The following SCN2A variants were observed in gnomAD, a reference collection of about 807,000 sequenced individuals.
SCN2A encodes sodium voltage-gated channel alpha subunit 2, also known as sodium channel protein type 2 subunit alpha.
Under a neutral mutation model 188.7 loss-of-function variants are expected in SCN2A, and 20 were observed. The observed-to-expected ratio is 0.11, with a 90% confidence interval of 0.07 to 0.15. The LOEUF is 0.15. SCN2A is among the 10% of genes least tolerant of loss of function. The pLI is 1.00. For synonymous variants in SCN2A, 804 were observed against 833.1 expected, an observed-to-expected ratio of 0.97 and a Z score of 0.60; for missense variants, 1,278 against 2,445.0, an observed-to-expected ratio of 0.52 and a Z score of 10.07.
chr2:165,240,519 G>A (rs1254183854), intron 1 of SCN2A, among the ~76,000 whole-genome samples: 1 of 152,048 alleles, frequency 6.6e-6, no homozygotes, highest in Non-Finnish European at 1.5e-5. Flanking sequence ...AGAATAACAG[G>A]AATAAAGACA....
In SCN2A at chr2:165,388,669, C is replaced by T; in HGVS notation, c.4863C>T (p.Ser1621=). 1 of 1,613,728 alleles carries T rather than the reference C, an allele frequency of 6.2e-7. No homozygotes were observed. Among genetic ancestry groups the T allele is most frequent in the Non-Finnish European group, 8.5e-7 (1 of 1,179,860 alleles). ...AACTGATAGAAAAGTATTTTGTGTCCCCTACCCTGTTCCGAGTGATCCGTC... is the reference window on the plus strand; with the variant it reads ...AACTGATAGAAAAGTATTTTGTGTCTCCTACCCTGTTCCGAGTGATCCGTC... ...LAELIEKYFV[S]PTLFRVIRLA... Residue 1621 remains serine (S), a synonymous_variant, in exon 27 of 27, where the codon TCC becomes TCT. Transcript: ENST00000375437.
chr2:165,341,956 G>A (rs993535097), intron 14 of SCN2A, among the ~76,000 whole-genome samples: 1 of 152,118 alleles, frequency 6.6e-6, no homozygotes, highest in East Asian at 1.9e-4. Flanking sequence ...ATGGAAGCCC[G>A]CACTGCTAGG....
Position 165,365,205 on chromosome 2 carries a change from A to T in SCN2A, c.3462A>T (p.Gly1154=), listed in dbSNP as rs1700659867. 6.2e-7 allele frequency: 1 copy of T among 1,614,000 alleles called. No homozygotes were observed. The highest frequency in any genetic ancestry group is 1.1e-5 in the South Asian group (1 of 91,068). ...TTGATATTGGAGCTCCCGCCGAGGG[A>T]GAACAGCCTGAGGTTGAACCTGAGG... is the stretch of plus-strand genomic sequence containing the variant. ...STVDIGAPAE[G]EQPEVEPEES... Residue 1154 remains glycine, a synonymous_variant, in exon 18 of 27, where the codon GGA becomes GGT. Coordinates refer to ENST00000375437, the MANE Select transcript of SCN2A (RefSeq NM_001040142.2).
intron 11 of SCN2A, among the ~76,000 whole-genome samples, chr2:165,318,544 G>T (rs1165966045): frequency 6.6e-6 from 1 of 152,184 alleles, no homozygotes; most frequent in Non-Finnish European, 1.5e-5. Flanking sequence ...AAAAGAAGTT[G>T]ATGCTAACGG....
intron 17 of SCN2A, among the ~76,000 whole-genome samples, chr2:165,363,984 A>G (rs1361024308): frequency 1.3e-5 from 2 of 152,154 alleles, no homozygotes; most frequent in Non-Finnish European, 2.9e-5. Flanking sequence ...AAAGAAAATT[A>G]TTTTCATAAA....
intron 14 of SCN2A, among the ~76,000 whole-genome samples, chr2:165,341,806 G>A (rs932382184): frequency 2.0e-5 from 3 of 152,204 alleles, no homozygotes; most frequent in South Asian, 4.2e-4. Flanking sequence ...CTTCCCTTTC[G>A]CCAACAAAAG....
chr2:165,252,715 G>A (rs1215501244), intron 1 of SCN2A, among the ~76,000 whole-genome samples: 1 of 151,976 alleles, frequency 6.6e-6, no homozygotes, highest in Non-Finnish European at 1.5e-5. Context: ...TCAAGAGTTA[G>A]GCAAAGATTT....
chr2:165,356,208 T>A (rs1441092979), intron 17 of SCN2A, among the ~76,000 whole-genome samples: 1 of 152,156 alleles, frequency 6.6e-6, no homozygotes, highest in Non-Finnish European at 1.5e-5. Context: ...AGGTATCAGT[T>A]TCACAAGAAA....
intron 7 of SCN2A, among the ~76,000 whole-genome samples, chr2:165,311,140 A>G (rs1055873644): frequency 6.7e-6 from 1 of 150,046 alleles, no homozygotes; most frequent in Non-Finnish European, 1.5e-5. Flanking sequence ...CTTTAGTGTC[A>G]TCATTGTATT....
At chr2:165,371,749 G>C (rs1294809388) in intron 20 of SCN2A, 1 of 152,174 alleles carries the variant, frequency 6.6e-6, no homozygotes, top group African/African-American at 2.4e-5. Flanking sequence ...TTAATACAGA[G>C]GAAGCTATTG....
intron 1 of SCN2A, among the ~76,000 whole-genome samples, chr2:165,291,446 C>CT (rs1454882788): frequency 4.0e-5 from 1 of 24,776 alleles, no homozygotes; most frequent in East Asian, 1.3e-3. Context: ...CTCTTTCTTT[C>CT]TTTCTTTCTT....
intron 26 of SCN2A, 147 bp downstream of exon 26, chr2:165,387,163 G>C (rs1353420721): frequency 1.2e-6 from 1 of 803,246 alleles, no homozygotes; most frequent in Non-Finnish European, 2.0e-6. Flanking sequence ...GTTTTAGTTT[G>C]CCATTTCTCT....
chr2:165,373,113 T>A, intron 20 of SCN2A, 112 bp from the exon 21 acceptor site: 1 of 1,199,900 alleles, frequency 8.3e-7, no homozygotes, highest in Non-Finnish European at 1.2e-6. Flanking sequence ...CCCTGGGTGA[T>A]TTTGAAACTC....
At position 165,314,122 on chromosome 2, in the gene SCN2A, G is replaced by A. The variant is rs1697595522; in HGVS notation, c.1383+14G>A. The A allele has an allele frequency of 6.2e-7, 1 of 1,611,198 alleles. No homozygotes were observed. Among genetic ancestry groups the A allele is most frequent in the Non-Finnish European group, 8.5e-7 (1 of 1,178,178 alleles). On this transcript the variant is annotated intron_variant, in intron 10 of 26. Coordinates refer to ENST00000375437, the MANE Select transcript of SCN2A (RefSeq NM_001040142.2). ...GAAGAAGCTCAGGTATAGTGAACAA[G>A]CATACGGTCCTTTGTTTTTCTTTAT...
chr2:165,306,254 CAG>C (rs1697123815), intron 3 of SCN2A, among the ~76,000 whole-genome samples: 1 of 152,004 alleles, frequency 6.6e-6, no homozygotes, highest in Admixed American at 6.6e-5. Context: ...TTTTTCTTTG[CAG>C]AGAGTGGGAG....
At chr2:165,369,734 T>G (rs1700926954) in intron 19 of SCN2A, among the ~76,000 whole-genome samples, 1 of 152,120 alleles carries the variant, frequency 6.6e-6, no homozygotes, top group African/African-American at 2.4e-5. Context: ...CCTTTCCTTT[T>G]TCTGTAGGCT....
intron 14 of SCN2A, 152 bp downstream of exon 14, chr2:165,331,720 G>A: frequency 4.2e-6 from 3 of 706,720 alleles, no homozygotes. Flanking sequence ...ACAAAAAAAT[G>A]TTGCTACCAT....
intron 8 of SCN2A, 124 bp downstream of exon 8, chr2:165,312,212 G>T (rs951239918): frequency 5.4e-6 from 4 of 737,382 alleles, no homozygotes; most frequent in Non-Finnish European, 9.7e-6. Context: ...TCTACTTCAC[G>T]GTGACTCTCA....
intron 26 of SCN2A, among the ~76,000 whole-genome samples, chr2:165,388,354 C>T (rs1286902035): frequency 1.3e-5 from 2 of 152,060 alleles, no homozygotes; most frequent in Non-Finnish European, 2.9e-5. Flanking sequence ...TTCATGATGT[C>T]TTTGGACCTT....
Sources: gnomAD v4.1 joint callset for allele counts (sites outside exome capture counted in the v4.1 genomes callset) on GRCh38, gnomAD v4.1.1 for gene constraint, MANE v1.5 for transcripts, NCBI Gene and HGNC (gene_info 2026-07-23, HGNC 2026-07-21) for gene names.